The following ZNF610 variants were observed in gnomAD, a reference collection of about 807,000 sequenced individuals.
The protein encoded by ZNF610 is zinc finger protein 610.
In ZNF610, 14 loss-of-function variants were observed where a neutral mutation model predicts 14.1. The ratio of observed to expected loss-of-function variants is 0.99; its 90% confidence interval spans 0.65 to 1.55. The LOEUF (loss-of-function observed/expected upper bound fraction) is 1.55, where lower values mean the gene tolerates loss of function less well. Ranked by LOEUF, ZNF610 falls within the 40% of genes most tolerant of loss-of-function variation. The probability of loss-of-function intolerance (pLI) is 0.00; values close to 1 mark genes in which losing one functional copy is unlikely to be tolerated. For missense variants in ZNF610, 530 were observed against 558.0 expected, an observed-to-expected ratio of 0.95 and a Z score of 0.51; for synonymous variants, 185 against 187.6, an observed-to-expected ratio of 0.99 and a Z score of 0.11.
At chr19:52,357,592 C>T (rs1009534435) in intron 5 of ZNF610, among the ~76,000 whole-genome samples, 6 of 126,230 alleles carry the variant, frequency 4.8e-5, no homozygotes, top group South Asian at 2.6e-4. Context: ...TTGCAGTGAG[C>T]GGAGATGGTG....
chr19:52,340,321 T>C (rs1984622543), intron 1 of ZNF610, among the ~76,000 whole-genome samples: 1 of 152,140 alleles, frequency 6.6e-6, no homozygotes, highest in Admixed American at 6.6e-5. Flanking sequence ...AGGCAGAGGT[T>C]GTGGTGAGCT....
In ZNF610 at chr19:52,353,764, A is replaced by G. The variant is rs1985380587; in HGVS notation, c.146A>G (p.Tyr49Cys). The G allele has an allele frequency of 6.2e-7, 1 of 1,613,518 alleles. No homozygotes were observed. Among genetic ancestry groups the G allele is most frequent in the South Asian group, 1.1e-5 (1 of 90,944 alleles). ...CTGGACCCTGGACAGAGGGCTTTATACAGGGACGTGATGTTGGAGAACTAC... is the reference window on the plus strand; with the variant it reads ...CTGGACCCTGGACAGAGGGCTTTATGCAGGGACGTGATGTTGGAGAACTAC... ...KSLDPGQRAL[Y>C]RDVMLENYRN... The change falls in exon 4 of 6, where the codon TAC (tyrosine) becomes TGC (cysteine). Residue 49 changes from tyrosine to cysteine, a missense_variant. Tyr to Cys is a radical substitution (Grantham distance 194). Coordinates refer to ENST00000403906, the MANE Select transcript of ZNF610 (RefSeq NM_001161425.2).
intron 3 of ZNF610, among the ~76,000 whole-genome samples, chr19:52,352,078 G>C (rs577164317): frequency 1.3e-5 from 2 of 152,160 alleles, no homozygotes; most frequent in Non-Finnish European, 2.9e-5. Flanking sequence ...CCTGTGTCTT[G>C]CTGACATTAC....
chr19:52,337,440 A>G (rs182985530), intron 1 of ZNF610, among the ~76,000 whole-genome samples: 22 of 152,240 alleles, frequency 1.4e-4, no homozygotes, highest in South Asian at 6.2e-4. Flanking sequence ...CAAAAATTGG[A>G]CACAAAGAGG....
At chr19:52,361,778 C>T (rs1191320918) in intron 5 of ZNF610, among the ~76,000 whole-genome samples, 3 of 151,976 alleles carry the variant, frequency 2.0e-5, no homozygotes, top group Non-Finnish European at 4.4e-5. Flanking sequence ...TCTTACCATT[C>T]GAAGTATGAG....
chr19:52,354,161 C>G, intron 4 of ZNF610, 90 bp from the exon 5 acceptor site: 1 of 1,530,240 alleles, frequency 6.5e-7, no homozygotes, highest in Non-Finnish European at 8.9e-7. Flanking sequence ...TATTCTTGAT[C>G]CATTTGCGAT....
chr19:52,365,617 T>A, intron 5 of ZNF610, 81 bp from the exon 6 acceptor site: 1 of 1,261,356 alleles, frequency 7.9e-7, no homozygotes, highest in South Asian at 1.5e-5. Context: ...CTGAGTTGGG[T>A]GAGGCTGATT....
rs1489523646 is a variant in ZNF610 at position 52,366,463 on chromosome 19, A to G, written c.1085A>G (p.His362Arg). 6.2e-7 allele frequency: 1 copy of G among 1,614,248 alleles called. No individual in the cohort carries two copies. Among genetic ancestry groups the G allele is most frequent in the East Asian group, 2.2e-5 (1 of 44,886 alleles). ...VFSLLSYLARHQIIHSTEKPY... is the reference protein window; with the variant it reads ...VFSLLSYLARRQIIHSTEKPY... ...AGTCTGCTTTCATACCTTGCACGGCATCAAATAATTCATAGTACAGAGAAG... is the reference window on the plus strand; with the variant it reads ...AGTCTGCTTTCATACCTTGCACGGCGTCAAATAATTCATAGTACAGAGAAG... The change falls in exon 6 of 6, where the codon CAT becomes CGT. Residue 362 changes from histidine to arginine, a missense_variant. Coordinates refer to ENST00000403906, the MANE Select transcript of ZNF610 (RefSeq NM_001161425.2).
At chr19:52,361,209 G>A (rs1600239799) in intron 5 of ZNF610, among the ~76,000 whole-genome samples, 2 of 146,428 alleles carry the variant, frequency 1.4e-5, no homozygotes, top group East Asian at 2.0e-4. Context: ...ACAGAGTCTC[G>A]CTCTTGTTGC....
chr19:52,348,062 C>CT, intron 2 of ZNF610, 118 bp downstream of exon 2: 1 of 152,214 alleles, frequency 6.6e-6, no homozygotes, highest in East Asian at 1.9e-4. Context: ...TCACAGTTGC[C>CT]TGTAGTATTC....
At chr19:52,341,296 T>A (rs1379795696) in intron 1 of ZNF610, among the ~76,000 whole-genome samples, 5 of 152,276 alleles carry the variant, frequency 3.3e-5, no homozygotes, top group African/African-American at 4.8e-5. Flanking sequence ...TTTTTATTTT[T>A]AAAAAGTTTT....
intron 3 of ZNF610, among the ~76,000 whole-genome samples, chr19:52,353,129 A>G (rs182153327): frequency 1.2e-4 from 18 of 152,166 alleles, no homozygotes; most frequent in Admixed American, 3.3e-4. Flanking sequence ...TAGTAGAGAC[A>G]GGGTTTCACC....
chr19:52,344,305 C>A (rs1025379080), intron 1 of ZNF610, among the ~76,000 whole-genome samples: 12 of 128,612 alleles, frequency 9.3e-5, no homozygotes, highest in African/African-American at 3.5e-4. Flanking sequence ...GTAGTACCTT[C>A]TTAGGATTCT....
At chr19:52,353,907 G>A in intron 4 of ZNF610, 99 bp downstream of exon 4, 1 of 1,434,704 alleles carries the variant, frequency 7.0e-7, no homozygotes, top group Non-Finnish European at 9.4e-7. Flanking sequence ...CTTAACTGAG[G>A]TAGAAACCTT....
intron 1 of ZNF610, among the ~76,000 whole-genome samples, chr19:52,336,847 A>G (rs1174310346): frequency 1.3e-5 from 2 of 152,108 alleles, no homozygotes; most frequent in Non-Finnish European, 2.9e-5. Context: ...CTGTCTTAGG[A>G]CATTCAGGAT....
Position 52,343,822 on chromosome 19 carries a change from G to A in ZNF610, c.-257-3885G>A, listed in dbSNP as rs577307109. On this transcript the variant is annotated intron_variant, in intron 1 of 5. Transcript: ENST00000403906. ...AGCTGGCATACAGCCACGTCTCAGT[G>A]TAGGCTGCAGGTCTTCAGAGAGGCC... 3.9e-5 allele frequency among the ~76,000 whole-genome samples: 6 copies of A among 152,288 alleles called. No individual in the cohort carries two copies. In the South Asian group the frequency reaches 1.2e-3, roughly 32 times the overall value.
At chr19:52,357,724 A>C (rs1378216735) in intron 5 of ZNF610, among the ~76,000 whole-genome samples, 1 of 151,886 alleles carries the variant, frequency 6.6e-6, no homozygotes. Context: ...CCAGCTACTC[A>C]AGAGGACTGC....
intron 4 of ZNF610, 75 bp downstream of exon 4, chr19:52,353,883 G>A: frequency 2.0e-6 from 3 of 1,530,492 alleles, no homozygotes; most frequent in Middle Eastern, 1.8e-4. Flanking sequence ...TGCCTCTTGG[G>A]AGCCCCTAAA....
chr19:52,347,484 AT>A (rs1310817958), intron 1 of ZNF610, among the ~76,000 whole-genome samples: 4 of 152,184 alleles, frequency 2.6e-5, no homozygotes, highest in Non-Finnish European at 5.9e-5. Flanking sequence ...AGAAAAAAAT[AT>A]TTTTTATGTT....
Sources: allele counts gnomAD v4.1 joint callset (sites outside exome capture counted in the v4.1 genomes callset), GRCh38; gene constraint gnomAD v4.1.1; transcripts MANE v1.5; gene names NCBI Gene and HGNC (gene_info 2026-07-23, HGNC 2026-07-21).